Variants in PHTF1 observed in about 807,000 individuals in gnomAD.
PHTF1 encodes the protein protein PHTF1.
PHTF1 carries 88 observed loss-of-function variants against 102.4 expected under a neutral mutation model. The ratio of observed to expected loss-of-function variants is 0.86; its 90% CI spans 0.72 to 1.03. The LOEUF (loss-of-function observed/expected upper bound fraction) is 1.03. PHTF1 is among the 50% of genes least tolerant of loss of function. The pLI is 0.00. For synonymous variants in PHTF1, 289 were observed against 305.2 expected, an observed-to-expected ratio of 0.95 and a Z score of 0.55; for missense variants, 814 against 909.5, an observed-to-expected ratio of 0.89 and a Z score of 1.35.
intron 15 of PHTF1, among the ~76,000 whole-genome samples, chr1:113,701,480 A>C (rs1649431824): frequency 6.6e-6 from 1 of 152,206 alleles, no homozygotes; most frequent in African/African-American, 2.4e-5. Context: ...TTGATTTAAA[A>C]GTAAAGAAAT....
At chr1:113,709,460 C>T (rs1650722697) in intron 11 of PHTF1, among the ~76,000 whole-genome samples, 1 of 152,092 alleles carries the variant, frequency 6.6e-6, no homozygotes, top group Non-Finnish European at 1.5e-5. Flanking sequence ...AGAATCATAA[C>T]AATCATTGAC....
In PHTF1 at chr1:113,738,757, C is replaced by G. The variant is rs1293162747; in HGVS notation, c.145G>C (p.Asp49His). Residue 49 changes from aspartate (D) to histidine (H), a missense_variant, in exon 4 of 19, where the codon GAC (aspartate) becomes CAC (histidine). Physicochemically the swap from Asp to His is moderately conservative, Grantham distance 81. Transcript: ENST00000369604. ...CTGATTAAGTCAACGTCAATCAAGTCTGGCTTTATGTGGCCCATCTTTTTC... is the reference window on the plus strand; with the variant it reads ...CTGATTAAGTCAACGTCAATCAAGTGTGGCTTTATGTGGCCCATCTTTTTC... ...KPKKMGHIKP[D>H]LIDVDLIRGS... The G allele has an allele frequency of 5.0e-6, 8 of 1,603,916 alleles. No homozygotes were observed. The highest frequency in any genetic ancestry group is 6.8e-6 in the Non-Finnish European group (8 of 1,174,918).
At chr1:113,743,903 TC>T (rs909865072) in intron 3 of PHTF1, among the ~76,000 whole-genome samples, 1 of 152,208 alleles carries the variant, frequency 6.6e-6, no homozygotes, top group East Asian at 1.9e-4. Flanking sequence ...AGGCAGAGAT[TC>T]CAACCCTTTC....
chr1:113,700,014 T>C, intron 16 of PHTF1: 1 of 993,870 alleles, frequency 1.0e-6, no homozygotes, highest in Non-Finnish European at 1.3e-6. Flanking sequence ...GAAAAATTAA[T>C]GATGAAGCAA....
chr1:113,705,947 C>G lies in PHTF1; in HGVS notation c.1614G>C (p.Leu538Phe), dbSNP rs748948155. ...VLSIINFFER[L>F]CLTWMFFFMM... ...TGAAAAAAAACATCCAAGTAAGACA[C>G]AATCTTTCAAAAAAATTAATTATCG... Residue 538 changes from leucine (L) to phenylalanine (F), a missense_variant, in exon 13 of 19, where the codon TTG becomes TTC. Leu to Phe is a conservative substitution (Grantham distance 22). Coordinates refer to ENST00000369604, the MANE Select transcript of PHTF1 (RefSeq NM_001323043.2). 2 of 1,613,850 alleles carry G rather than the reference C, an allele frequency of 1.2e-6. No homozygotes were observed. The highest frequency in any genetic ancestry group is 2.7e-5 in the African/African-American group (2 of 74,906).
At chr1:113,747,605 A>T (rs1026072289) in intron 3 of PHTF1, among the ~76,000 whole-genome samples, 1 of 152,206 alleles carries the variant, frequency 6.6e-6, no homozygotes, top group South Asian at 2.1e-4. Context: ...ATGGATTATA[A>T]TACAGTACAT....
At chr1:113,746,737 T>C (rs1057305761) in intron 3 of PHTF1, 2 of 211,206 alleles carry the variant, frequency 9.5e-6, no homozygotes, top group Admixed American at 6.5e-5. Context: ...GGTAACATCA[T>C]TTAATGTATT....
At chr1:113,719,001 T>TC (rs1218217640) in intron 7 of PHTF1, among the ~76,000 whole-genome samples, 2 of 151,912 alleles carry the variant, frequency 1.3e-5, no homozygotes, top group Non-Finnish European at 1.5e-5. Flanking sequence ...TTTCTTTTCT[T>TC]CTTTTTTTTT....
Position 113,744,825 on chromosome 1 carries a change from T to C in PHTF1, c.103-6026A>G, listed in dbSNP as rs369228490. Among the ~76,000 whole-genome samples the C allele has an allele frequency of 2.9e-4, 44 of 152,258 alleles. No individual in the cohort carries two copies. The South Asian group carries it at 4.3e-3, about 15-fold the overall frequency. On this transcript the variant is annotated intron_variant, in intron 3 of 18. Coordinates refer to ENST00000369604, the MANE Select transcript of PHTF1 (RefSeq NM_001323043.2). The stretch of plus-strand genomic sequence containing the variant: ...TAGCCGGGAGTAGCTGCTATGAGCC[T>C]GTAGTCCCAGCTACTCAGGAGGCTG...
At chr1:113,704,398 C>T (rs1649811194) in intron 14 of PHTF1, among the ~76,000 whole-genome samples, 1 of 152,076 alleles carries the variant, frequency 6.6e-6, no homozygotes, top group African/African-American at 2.4e-5. Context: ...TGGAGTATTT[C>T]CCAAAAAAGC....
At chr1:113,701,233 G>A (rs1649404467) in intron 15 of PHTF1, among the ~76,000 whole-genome samples, 1 of 152,156 alleles carries the variant, frequency 6.6e-6, no homozygotes, top group African/African-American at 2.4e-5. Flanking sequence ...AACTATCAGT[G>A]TGTCCACTCA....
At position 113,711,301 on chromosome 1, in the gene PHTF1, C is replaced by G. The variant is rs577680001; in HGVS notation, c.1047+445G>C. 2.2e-4 allele frequency among the ~76,000 whole-genome samples: 34 copies of G among 152,286 alleles called. 1 individual carries two copies. Among genetic ancestry groups the G allele is most frequent in the Non-Finnish European group, 5.9e-5 (4 of 68,018 alleles). On this transcript the variant is annotated intron_variant, in intron 10 of 18. Transcript: ENST00000369604. The stretch of plus-strand genomic sequence containing the variant: ...CAAAATAAAAGAAAAAACCACACCA[C>G]CACCATCTACTCTGCTCACCTCTGA...
intron 6 of PHTF1, chr1:113,725,347 A>G (rs2101437060): frequency 6.6e-6 from 1 of 152,436 alleles, no homozygotes; most frequent in Non-Finnish European, 1.5e-5. Context: ...AATAAGACAT[A>G]GCATAGCATT....
intron 15 of PHTF1, 135 bp downstream of exon 15, chr1:113,703,946 C>T (rs1040369985): frequency 9.9e-6 from 5 of 504,522 alleles, no homozygotes; most frequent in Non-Finnish European, 1.8e-5. Context: ...AGAAAAATTA[C>T]CAAACATCCA....
At chr1:113,745,654 A>G (rs1447113997) in intron 3 of PHTF1, among the ~76,000 whole-genome samples, 2 of 152,136 alleles carry the variant, frequency 1.3e-5, no homozygotes, top group Non-Finnish European at 2.9e-5. Flanking sequence ...ACCTCCTGTC[A>G]GATGAGTGGC....
chr1:113,752,828 A>G (rs1010536131), intron 3 of PHTF1, among the ~76,000 whole-genome samples: 1 of 152,192 alleles, frequency 6.6e-6, no homozygotes, highest in Non-Finnish European at 1.5e-5. Flanking sequence ...GACTCCCAGT[A>G]CAATGTTAAA....
chr1:113,726,575 C>G lies in PHTF1; in HGVS notation c.332-1G>C, dbSNP rs1308994519. On this transcript the variant is annotated splice_acceptor_variant, in intron 5 of 18. Coordinates refer to ENST00000369604, the MANE Select transcript of PHTF1 (RefSeq NM_001323043.2). LOFTEE classifies it high-confidence loss of function. ...ATCAAATATAAGACAATTGCTATAA[C>G]TGAAAAGAAGAGGTTTTAAGATGTA... is the stretch of plus-strand genomic sequence containing the variant. 6.2e-5 allele frequency: 97 copies of G among 1,557,416 alleles called. No homozygotes were observed. Among genetic ancestry groups the G allele is most frequent in the Non-Finnish European group, 8.3e-5 (96 of 1,151,486 alleles).
At chr1:113,715,852 C>G (rs1283777276) in intron 7 of PHTF1, among the ~76,000 whole-genome samples, 1 of 148,984 alleles carries the variant, frequency 6.7e-6, no homozygotes, top group Admixed American at 6.7e-5. Context: ...CTCTTAACAG[C>G]AGAATTGATC....
intron 7 of PHTF1, among the ~76,000 whole-genome samples, chr1:113,719,061 C>T (rs566269543): frequency 2.0e-5 from 3 of 151,836 alleles, no homozygotes; most frequent in East Asian, 3.9e-4. Context: ...AGTGCAGTGG[C>T]GTGATCTCAG....
Sources: allele counts gnomAD v4.1 joint callset (sites outside exome capture counted in the v4.1 genomes callset), GRCh38; gene constraint gnomAD v4.1.1; transcripts MANE v1.5; gene names NCBI Gene and HGNC (gene_info 2026-07-23, HGNC 2026-07-21).